The following LATS1 variants were observed in gnomAD, a reference collection of about 807,000 sequenced individuals.
LATS1 encodes the protein serine/threonine-protein kinase LATS1.
LATS1 carries 25 observed loss-of-function variants against 106.6 expected under a neutral mutation model. The observed-to-expected ratio is 0.23, with a 90% CI of 0.17 to 0.33. LATS1 has a LOEUF of 0.33. Ranked by LOEUF, LATS1 falls within the 10% of genes least tolerant of loss-of-function variation. The pLI, the probability that LATS1 is intolerant of heterozygous loss-of-function variation, is 1.00. For missense variants in LATS1, 1,040 were observed against 1,382.6 expected (o/e 0.75, Z 3.93); for synonymous variants, 465 against 455.6 (o/e 1.02, Z -0.26).
In LATS1 at chr6:149,684,022, A is replaced by G. The variant is rs765611380; in HGVS notation, c.1067T>C (p.Phe356Ser). 2 of 1,614,132 alleles carry G rather than the reference A, an allele frequency of 1.2e-6. No homozygotes were observed. The highest frequency in any genetic ancestry group is 1.7e-6 in the Non-Finnish European group (2 of 1,180,022). The change falls in exon 4 of 8, where the codon TTC becomes TCC. Residue 356 changes from phenylalanine to serine, a missense_variant. Physicochemically the swap from Phe to Ser is radical, Grantham distance 155. Transcript: ENST00000543571. Reference sequence around the variant, plus strand: ...AGGGACAACATTTTGGTGTATCATGAAATCAGTTTGTCCAGTACCATTCTG... The same window carrying G: ...AGGGACAACATTTTGGTGTATCATGGAATCAGTTTGTCCAGTACCATTCTG... The part of the protein sequence containing the change: ...GMQNGTGQTD[F>S]MIHQNVVPAG...
chr6:149,709,668 CTTTTTTTTTT>C (rs142425039), intron 1 of LATS1, among the ~76,000 whole-genome samples: 14 of 75,502 alleles, frequency 1.9e-4, no homozygotes, highest in Non-Finnish European at 2.7e-4. Flanking sequence ...AACCCCTTAT[CTTTTTTTTTT>C]TTTTTTTTTT....
At position 149,695,181 on chromosome 6, in the gene LATS1, C is replaced by G; in HGVS notation, c.389G>C (p.Ser130Thr). ...AATGAATTCAATTGCTGCTTCTATA[C>G]TTCTGTTGTTAGTTTTCTGAAGAGC... ...IQALQKTNNRSIEAAIEFISK... is the reference protein window; with the variant it reads ...IQALQKTNNRTIEAAIEFISK... The change falls in exon 3 of 8, where the codon AGT becomes ACT. Residue 130 changes from serine to threonine, a missense_variant. Around this residue, in one of 7 missense-constraint regions of LATS1, gnomAD observed 624 missense variants for 714.8 expected, o/e 0.87. Coordinates refer to ENST00000543571, the MANE Select transcript of LATS1 (RefSeq NM_004690.4). 6.2e-7 allele frequency: 1 copy of G among 1,610,178 alleles called. No individual in the cohort carries two copies. Among genetic ancestry groups the G allele is most frequent in the Non-Finnish European group, 8.5e-7 (1 of 1,177,016 alleles).
At chr6:149,690,194 T>C (rs1782652129) in intron 3 of LATS1, among the ~76,000 whole-genome samples, 1 of 150,994 alleles carries the variant, frequency 6.6e-6, no homozygotes, top group African/African-American at 2.4e-5. Flanking sequence ...TATACATATA[T>C]GTATTCTTTT....
At chr6:149,693,473 G>C (rs1039023590) in intron 3 of LATS1, among the ~76,000 whole-genome samples, 1 of 151,566 alleles carries the variant, frequency 6.6e-6, no homozygotes, top group African/African-American at 2.4e-5. Context: ...AGCTGGGCAC[G>C]GTGGCAGGTG....
At chr6:149,674,184 C>T (rs1294417375) in intron 7 of LATS1, among the ~76,000 whole-genome samples, 2 of 151,704 alleles carry the variant, frequency 1.3e-5, no homozygotes, top group Non-Finnish European at 2.9e-5. Context: ...AAGCAATCCC[C>T]GTGCCTCAGC....
At chr6:149,665,759 C>T (rs1781110930) in intron 7 of LATS1, among the ~76,000 whole-genome samples, 2 of 152,164 alleles carry the variant, frequency 1.3e-5, no homozygotes, top group Non-Finnish European at 1.5e-5. Flanking sequence ...TTGAAACTGA[C>T]ATTGAAATCA....
intron 3 of LATS1, among the ~76,000 whole-genome samples, chr6:149,692,040 T>C (rs910954069): frequency 1.3e-5 from 2 of 148,642 alleles, no homozygotes; most frequent in Non-Finnish European, 2.9e-5. Flanking sequence ...CAAACTACTG[T>C]GTTTCCTATC....
Position 149,701,819 on chromosome 6 carries a change from G to A in LATS1, c.308C>T (p.Pro103Leu). The change falls in exon 2 of 8, where the codon CCA (proline) becomes CTA (leucine). Residue 103 changes from proline to leucine, a missense_variant. Physicochemically the swap from Pro to Leu is moderately conservative, Grantham distance 98. Transcript: ENST00000543571. ...AGCTTGCAAGTCTTGAAGCATTTGTGGATTAACTTCTGAAGTACTCCGAGA... is the reference window on the plus strand; with the variant it reads ...AGCTTGCAAGTCTTGAAGCATTTGTAGATTAACTTCTGAAGTACTCCGAGA... ...NSSRSTSEVNPQMLQDLQAAG... is the reference protein window; with the variant it reads ...NSSRSTSEVNLQMLQDLQAAG... 1.9e-6 allele frequency: 3 copies of A among 1,613,794 alleles called. No individual in the cohort carries two copies. Among genetic ancestry groups the A allele is most frequent in the Middle Eastern group, 1.6e-4 (1 of 6,062 alleles).
chr6:149,662,253 T>TAAAGGGAA lies in LATS1; in HGVS notation c.2884-16_2884-15insTTCCCTTT. 6.5e-7 allele frequency: 1 copy of TAAAGGGAA among 1,547,280 alleles called. No individual in the cohort carries two copies. On this transcript the variant is annotated splice_polypyrimidine_tract_variant and intron_variant, in intron 7 of 7. Transcript: ENST00000543571. ...CAGTTGATAACCTTTAAAGATTTTT[T>TAAAGGGAA]AAAATTAGGGGGAAGAGATAAATTA...
rs767590583 is a variant in LATS1 at position 149,697,185 on chromosome 6, T to G, written c.349-1964A>C. 50 of 1,300,716 alleles carry G rather than the reference T, an allele frequency of 3.8e-5. No homozygotes were observed. The South Asian group carries it at 5.8e-4, about 15-fold the overall frequency. 80.6% of individuals were successfully genotyped at this position (1,300,716 alleles called of 1,614,324 possible). On this transcript the variant is annotated intron_variant, in intron 2 of 7. Transcript: ENST00000543571. Reference sequence around the variant, plus strand: ...TGAACAGGCTACTGACAGATGATCCTCCTATATGAAATGATAAGAGAAGAA... The same window carrying G: ...TGAACAGGCTACTGACAGATGATCCGCCTATATGAAATGATAAGAGAAGAA...
At chr6:149,673,724 A>C (rs968507308) in intron 7 of LATS1, among the ~76,000 whole-genome samples, 2 of 149,402 alleles carry the variant, frequency 1.3e-5, no homozygotes, top group Admixed American at 1.3e-4. Flanking sequence ...CCCAGGCTGG[A>C]GTGCAATGGC....
At position 149,706,796 on chromosome 6, in the gene LATS1, T is replaced by G. The variant is rs1783797040; in HGVS notation, c.-140-4530A>C. On this transcript the variant is annotated intron_variant, in intron 1 of 7. Coordinates refer to ENST00000543571, the MANE Select transcript of LATS1 (RefSeq NM_004690.4). ...AAGGGACAGCTTCTCTCCTAGAGCCTCTGGAAGAAAACTGGCCTTGCTAAT... is the reference window on the plus strand; with the variant it reads ...AAGGGACAGCTTCTCTCCTAGAGCCGCTGGAAGAAAACTGGCCTTGCTAAT... Among the ~76,000 whole-genome samples the G allele has an allele frequency of 2.6e-5, 4 of 152,226 alleles. No individual in the cohort carries two copies. In the South Asian group the frequency reaches 8.3e-4, roughly 32 times the overall value.
At position 149,676,278 on chromosome 6, in the gene LATS1, T is replaced by C. The variant is rs149843547; in HGVS notation, c.2865A>G (p.Pro955=). 67 of 1,610,242 alleles carry C rather than the reference T, an allele frequency of 4.2e-5. No individual in the cohort carries two copies. The African/African-American group carries it at 8.4e-4, about 20-fold the overall frequency. The change falls in exon 7 of 8, where the codon CCA becomes CCG. Residue 955 remains proline, a synonymous_variant. Transcript: ENST00000543571. ...VGQPPFLAQT[P]LETQMKVINW... is the part of the protein sequence containing the mutation. ...ACCTTACCTTCATTTGTGTTTCTAATGGTGTTTGTGCCAAGAAAGGAGGTT... is the reference window on the plus strand; with the variant it reads ...ACCTTACCTTCATTTGTGTTTCTAACGGTGTTTGTGCCAAGAAAGGAGGTT...
chr6:149,666,618 T>A (rs1169409797), intron 7 of LATS1, among the ~76,000 whole-genome samples: 3 of 147,288 alleles, frequency 2.0e-5, no homozygotes, highest in African/African-American at 7.6e-5. Flanking sequence ...GGCAAGACTC[T>A]GTCTCAAAAA....
chr6:149,684,230 G>C lies in LATS1; in HGVS notation c.859C>G (p.Arg287Gly). ...GCCCCAGGTGGGACAGGAGAGATTC[G>C]GGAGATTACGTATTCCATGTTTCCA... ...YSGNMEYVIS[R>G]ISPVPPGAWQ... The change falls in exon 4 of 8, where the codon CGA (arginine) becomes GGA (glycine). Residue 287 changes from arginine to glycine, a missense_variant. Arg to Gly is a moderately radical substitution (Grantham distance 125). Around this residue, in one of 7 missense-constraint regions of LATS1, gnomAD observed 624 missense variants for 714.8 expected, o/e 0.87. Transcript: ENST00000543571. The C allele has an allele frequency of 1.9e-6, 3 of 1,614,058 alleles. No homozygotes were observed. The highest frequency in any genetic ancestry group is 2.5e-6 in the Non-Finnish European group (3 of 1,179,986).
chr6:149,688,888 C>A (rs1782553621), intron 3 of LATS1, among the ~76,000 whole-genome samples: 1 of 152,092 alleles, frequency 6.6e-6, no homozygotes, highest in Non-Finnish European at 1.5e-5. Flanking sequence ...ACAGCACAGG[C>A]CAGGCGCGGT....
chr6:149,710,940 T>C (rs564583982), intron 1 of LATS1, among the ~76,000 whole-genome samples: 40 of 152,224 alleles, frequency 2.6e-4, no homozygotes, highest in African/African-American at 8.9e-4. Context: ...CCTTGAAGGA[T>C]TGGAAAAGCA....
intron 3 of LATS1, among the ~76,000 whole-genome samples, chr6:149,694,576 A>G (rs1782953635): frequency 6.6e-6 from 1 of 152,214 alleles, no homozygotes; most frequent in South Asian, 2.1e-4. Context: ...AGGTTTTAGT[A>G]TGTTCCCATT....
chr6:149,662,419 A>G (rs774523187), intron 7 of LATS1, among the ~76,000 whole-genome samples, 181 bp from the exon 8 acceptor site: 1 of 152,204 alleles, frequency 6.6e-6, no homozygotes, highest in South Asian at 2.1e-4. Flanking sequence ...TACTCACATT[A>G]TAAGACTCAC....
Sources: gnomAD v4.1 joint callset for allele counts (sites outside exome capture counted in the v4.1 genomes callset) on GRCh38, gnomAD v4.1.1 for gene constraint, gnomAD v4.1.1 regional missense constraint, MANE v1.5 for transcripts, NCBI Gene and HGNC (gene_info 2026-07-23, HGNC 2026-07-21) for gene names.